Variants in TMEM51 observed in about 807,000 individuals in gnomAD.
TMEM51 encodes chromosome 1 open reading frame 72.
Under a neutral mutation model 13.6 loss-of-function variants are expected in TMEM51, and 8 were observed. That is an observed-to-expected ratio of 0.59 (90% confidence interval 0.35 to 1.07). TMEM51 has a LOEUF of 1.07. Among genes scored for constraint, TMEM51 ranks in the 50% least tolerant of loss-of-function variants. TMEM51 has a pLI of 0.02. For missense variants in TMEM51, 279 were observed against 330.7 expected, an observed-to-expected ratio of 0.84 and a Z score of 1.21; for synonymous variants, 147 against 144.4, an observed-to-expected ratio of 1.02 and a Z score of -0.13.
chr1:15,188,992 C>T (rs904698393), intron 1 of TMEM51, among the ~76,000 whole-genome samples: 1 of 152,166 alleles, frequency 6.6e-6, no homozygotes, highest in Non-Finnish European at 1.5e-5. Flanking sequence ...ATCCAACCAT[C>T]CATGCCCAGC....
intron 1 of TMEM51, among the ~76,000 whole-genome samples, chr1:15,167,631 G>A (rs1643070961): frequency 6.6e-6 from 1 of 152,190 alleles, no homozygotes. Context: ...GTTAGGGCCA[G>A]TTCCTCCAGC....
chr1:15,153,618 C>A (rs1642472495), upstream of TMEM51: 1 of 152,056 alleles, frequency 6.6e-6, no homozygotes, highest in Non-Finnish European at 1.5e-5. Context: ...GCCTCGGGCC[C>A]GGGGGTGGTG....
chr1:15,179,094 A>G (rs1173227917), intron 1 of TMEM51, among the ~76,000 whole-genome samples: 1 of 152,140 alleles, frequency 6.6e-6, no homozygotes, highest in African/African-American at 2.4e-5. Context: ...GGGGCTTGGC[A>G]TCTGGACATG....
At chr1:15,175,944 C>T (rs1366467023) in intron 1 of TMEM51, among the ~76,000 whole-genome samples, 1 of 152,214 alleles carries the variant, frequency 6.6e-6, no homozygotes, top group Non-Finnish European at 1.5e-5. Context: ...GTGTCAGTCT[C>T]AGTGAAAATG....
At chr1:15,186,661 G>C (rs1483973626) in intron 1 of TMEM51, among the ~76,000 whole-genome samples, 1 of 152,202 alleles carries the variant, frequency 6.6e-6, no homozygotes, top group Non-Finnish European at 1.5e-5. Context: ...GGCCTGAGGG[G>C]AGTGGCAGGC....
intron 1 of TMEM51, chr1:15,192,454 T>TTC (rs2100277916): frequency 2.1e-5 from 5 of 237,630 alleles, no homozygotes; most frequent in South Asian, 4.7e-5. Flanking sequence ...TTCTTTCTTT[T>TTC]CTTTTCCTTT....
At chr1:15,198,677 C>T (rs992514163) in intron 1 of TMEM51, among the ~76,000 whole-genome samples, 16 of 152,200 alleles carry the variant, frequency 1.1e-4, no homozygotes, top group South Asian at 4.1e-4. Flanking sequence ...CTCGGCCTCC[C>T]AAAGTGCTGG....
intron 1 of TMEM51, among the ~76,000 whole-genome samples, chr1:15,164,875 T>TCCCGAGTTCAAG (rs1642935955): frequency 1.4e-5 from 2 of 144,870 alleles, no homozygotes; most frequent in Admixed American, 7.3e-5. Flanking sequence ...CAATCTCGGC[T>TCCCGAGTTCAAG]CACTGCAACC....
At chr1:15,154,380 G>T (rs1194316917) in intron 1 of TMEM51, among the ~76,000 whole-genome samples, 1 of 152,248 alleles carries the variant, frequency 6.6e-6, no homozygotes, top group East Asian at 1.9e-4. Flanking sequence ...CTGTATGGAA[G>T]TCGGGGCCTT....
rs144522561 is a variant in TMEM51, at chr1:15,177,656, TTTGA to T, written c.-267+23706_-267+23709del. On this transcript the variant is annotated intron_variant, in intron 1 of 3. Coordinates refer to ENST00000376008, the MANE Select transcript of TMEM51 (RefSeq NM_001136218.2). ...ACCTTGTCTATGCTTCTCTTAAGCATTTGATTGTTTTAGATTTGGGGGATTTTTA... is the reference window on the plus strand; with the variant it reads ...ACCTTGTCTATGCTTCTCTTAAGCATTTGTTTTAGATTTGGGGGATTTTTA... Among the ~76,000 whole-genome samples, 1,387 of 152,266 alleles carry T rather than the reference TTTGA, an allele frequency of 9.1e-3. 13 individuals are homozygous for T. The highest frequency in any genetic ancestry group is 0.027 in the African/African-American group (1,110 of 41,536).
At chr1:15,200,970 C>A (rs1255845455) in intron 1 of TMEM51, among the ~76,000 whole-genome samples, 1 of 152,174 alleles carries the variant, frequency 6.6e-6, no homozygotes, top group Non-Finnish European at 1.5e-5. Flanking sequence ...AGGCACCAGG[C>A]AGTGGAGTGT....
At chr1:15,175,114 C>T (rs765153017) in intron 1 of TMEM51, among the ~76,000 whole-genome samples, 11 of 152,040 alleles carry the variant, frequency 7.2e-5, no homozygotes, top group Non-Finnish European at 1.3e-4. Context: ...AAACTAGGGC[C>T]GTAGGCTGGG....
chr1:15,184,986 G>A (rs1643727871), intron 1 of TMEM51, among the ~76,000 whole-genome samples: 1 of 152,028 alleles, frequency 6.6e-6, no homozygotes, highest in Non-Finnish European at 1.5e-5. Flanking sequence ...GGAGCCAGGG[G>A]AAAGAAACCT....
intron 1 of TMEM51, among the ~76,000 whole-genome samples, chr1:15,155,220 G>A (rs1162019758): frequency 1.3e-5 from 2 of 151,068 alleles, no homozygotes; most frequent in African/African-American, 2.4e-5. Context: ...CACGGCTTCG[G>A]AGCTGACAGC....
chr1:15,183,909 G>A (rs1002496880), intron 1 of TMEM51, among the ~76,000 whole-genome samples: 9 of 152,222 alleles, frequency 5.9e-5, no homozygotes, highest in African/African-American at 2.2e-4. Context: ...GGACAGTGGG[G>A]CCGCAGCCGC....
rs57675605 is a variant in TMEM51, at chr1:15,209,235, C to CATTATTATT, written c.-266-1235_-266-1227dup. Among the ~76,000 whole-genome samples the CATTATTATT allele has an allele frequency of 3.4e-5, 5 of 148,018 alleles. 1 individual carries two copies. Among genetic ancestry groups the CATTATTATT allele is most frequent in the Admixed American group, 1.3e-4 (2 of 14,858 alleles). ...ACAGGTGTGAGCCACACACTGGGCTCATTATTATTATTATTATTATTATTA... is the reference window on the plus strand; with the variant it reads ...ACAGGTGTGAGCCACACACTGGGCTCATTATTATTATTATTATTATTATTATTATTATTA... On this transcript the variant is annotated intron_variant, in intron 1 of 3. Transcript: ENST00000376008.
intron 1 of TMEM51, among the ~76,000 whole-genome samples, chr1:15,164,146 C>A (rs1041318060): frequency 6.6e-6 from 1 of 151,936 alleles, no homozygotes; most frequent in African/African-American, 2.4e-5. Flanking sequence ...TGGCATCTTA[C>A]ATAATCGTAT....
Position 15,219,730 on chromosome 1 carries a change from G to C in TMEM51, c.749G>C (p.Arg250Pro). ...DEVQEKAPDT[R>P]PPD ...GTCCAGGAGAAGGCCCCCGACACCCGGCCGCCCGACTGAATGGCCCCACTT... is the reference window on the plus strand; with the variant it reads ...GTCCAGGAGAAGGCCCCCGACACCCCGCCGCCCGACTGAATGGCCCCACTT... The change falls in exon 4 of 4, where the codon CGG becomes CCG. Residue 250 changes from arginine (R) to proline (P), a missense_variant. Arg to Pro is a moderately radical substitution (Grantham distance 103, BLOSUM62 -2). Transcript: ENST00000376008. The C allele has an allele frequency of 6.2e-7, 1 of 1,612,880 alleles. No homozygotes were observed. The highest frequency in any genetic ancestry group is 8.5e-7 in the Non-Finnish European group (1 of 1,179,578).
intron 1 of TMEM51, chr1:15,168,553 G>A (rs769809036): frequency 1.1e-5 from 14 of 1,304,686 alleles, no homozygotes; most frequent in Non-Finnish European, 4.0e-6. Context: ...AACAGCATAG[G>A]CTGTTTTGTC....
Sources: gnomAD v4.1 joint callset for allele counts (sites outside exome capture counted in the v4.1 genomes callset) on GRCh38, gnomAD v4.1.1 for gene constraint, MANE v1.5 for transcripts, NCBI Gene and HGNC (gene_info 2026-07-23, HGNC 2026-07-21) for gene names.